SYT1: variants seen among roughly 807,000 people sequenced by gnomAD.
SYT1 encodes synaptotagmin-1.
SYT1 carries 8 observed loss-of-function variants against 44.8 expected under a neutral mutation model. That is an observed-to-expected ratio of 0.18 (90% CI 0.10 to 0.32). The LOEUF (loss-of-function observed/expected upper bound fraction) is 0.32, where lower values mean the gene tolerates loss of function less well. Ranked by LOEUF, SYT1 falls within the 10% of genes least tolerant of loss-of-function variation. SYT1 has a pLI of 1.00. For synonymous variants in SYT1, 154 were observed against 188.8 expected, an observed-to-expected ratio of 0.82 and a Z score of 1.51; for missense variants, 286 against 509.3, an observed-to-expected ratio of 0.56 and a Z score of 4.22.
chr12:79,160,430 G>A (rs1870878209), intron 3 of SYT1, among the ~76,000 whole-genome samples: 4 of 152,214 alleles, frequency 2.6e-5, no homozygotes, highest in Admixed American at 2.6e-4. Context: ...AAAATAAAAA[G>A]TCTGGCTAAG....
chr12:79,086,411 C>A (rs1172665311), intron 3 of SYT1, among the ~76,000 whole-genome samples: 1 of 152,030 alleles, frequency 6.6e-6, no homozygotes, highest in Non-Finnish European at 1.5e-5. Flanking sequence ...AATGAAGTAC[C>A]AATCTCAGAA....
chr12:79,155,792 G>A (rs1870557663), intron 3 of SYT1, among the ~76,000 whole-genome samples: 1 of 152,158 alleles, frequency 6.6e-6, no homozygotes, highest in Non-Finnish European at 1.5e-5. Flanking sequence ...AAGGGAAAAA[G>A]CCAAAGGGAA....
At chr12:79,241,081 G>T (rs1484985852) in intron 4 of SYT1, among the ~76,000 whole-genome samples, 1 of 152,138 alleles carries the variant, frequency 6.6e-6, no homozygotes, top group Non-Finnish European at 1.5e-5. Context: ...ACTGAGGTAG[G>T]AGGATTGCTT....
Position 79,444,146 on chromosome 12 carries a change from C to T in SYT1, c.1002C>T (p.Asn334=). The T allele has an allele frequency of 3.1e-6, 5 of 1,613,648 alleles. No individual in the cohort carries two copies. Among genetic ancestry groups the T allele is most frequent in the Non-Finnish European group, 4.2e-6 (5 of 1,179,694 alleles). Residue 334 remains asparagine (N), a synonymous_variant, in exon 10 of 11, where the codon AAC becomes AAT. Coordinates refer to ENST00000261205, the MANE Select transcript of SYT1 (RefSeq NM_005639.3). ...AGAAAAAGACAACAATTAAAAAGAA[C>T]ACACTTAACCCCTACTACAATGAGT... ...LKKKKTTIKK[N]TLNPYYNESF... is the part of the protein sequence containing the mutation.
At chr12:79,002,561 C>A (rs948058671) in intron 2 of SYT1, among the ~76,000 whole-genome samples, 2 of 151,882 alleles carry the variant, frequency 1.3e-5, no homozygotes, top group African/African-American at 4.8e-5. Context: ...ACCTCAATTT[C>A]GGTATCCAGG....
At chr12:79,196,267 A>G (rs2138473892) in intron 3 of SYT1, among the ~76,000 whole-genome samples, 1 of 152,102 alleles carries the variant, frequency 6.6e-6, no homozygotes, top group South Asian at 2.1e-4. Context: ...TCCCGGGTTC[A>G]AGTCATTCTC....
intron 9 of SYT1, among the ~76,000 whole-genome samples, chr12:79,443,290 G>GTTAA (rs1870530637): frequency 6.6e-6 from 1 of 152,158 alleles, no homozygotes; most frequent in Non-Finnish European, 1.5e-5. Flanking sequence ...CAGCTTAAAT[G>GTTAA]TTAATTCCAT....
chr12:79,425,565 C>T (rs1387847985), intron 9 of SYT1, among the ~76,000 whole-genome samples: 2 of 152,120 alleles, frequency 1.3e-5, no homozygotes, highest in East Asian at 1.9e-4. Flanking sequence ...TATTAATCAC[C>T]TCACTAATAT....
intron 4 of SYT1, among the ~76,000 whole-genome samples, chr12:79,268,259 C>T (rs925546666): frequency 9.9e-5 from 15 of 152,014 alleles, no homozygotes; most frequent in East Asian, 7.7e-4. Context: ...GGCAGATTTA[C>T]GATTCTATTA....
intron 9 of SYT1, among the ~76,000 whole-genome samples, chr12:79,362,089 A>G (rs1883338325): frequency 6.6e-6 from 1 of 152,184 alleles, no homozygotes; most frequent in Admixed American, 6.5e-5. Context: ...AACAAGAGAA[A>G]TCTACAGATG....
At chr12:79,354,501 T>A (rs1883035459) in intron 9 of SYT1, among the ~76,000 whole-genome samples, 1 of 152,148 alleles carries the variant, frequency 6.6e-6, no homozygotes, top group African/African-American at 2.4e-5. Context: ...CATGGTGATT[T>A]TTTATTCTAA....
chr12:79,014,263 T>A lies in SYT1; in HGVS notation c.-83-33034T>A, dbSNP rs374010557. On this transcript the variant is annotated intron_variant, in intron 2 of 10. Transcript: ENST00000261205. ...AAGTCTCATAGTTAGTACAATTTAT[T>A]TTTTCTGAAATTTAACCTGAAACCT... Among the ~76,000 whole-genome samples, 16 of 152,280 alleles carry A rather than the reference T, an allele frequency of 1.1e-4. 1 individual carries two copies. The highest frequency in any genetic ancestry group is 5.8e-4 in the East Asian group (3 of 5,192).
At chr12:79,035,201 G>T (rs1313900729) in intron 2 of SYT1, among the ~76,000 whole-genome samples, 1 of 151,678 alleles carries the variant, frequency 6.6e-6, no homozygotes, top group Non-Finnish European at 1.5e-5. Context: ...ACACTGCTGG[G>T]TTTGAATATG....
intron 4 of SYT1, among the ~76,000 whole-genome samples, chr12:79,277,794 C>G (rs1878819001): frequency 6.6e-6 from 1 of 151,898 alleles, no homozygotes. Context: ...AAGATTCTTA[C>G]AGAGTCAAGA....
intron 3 of SYT1, among the ~76,000 whole-genome samples, chr12:79,163,867 T>G (rs2138319098): frequency 6.6e-6 from 1 of 152,236 alleles, no homozygotes; most frequent in South Asian, 2.1e-4. Context: ...GGGAGTATTT[T>G]TCAAACATTT....
intron 3 of SYT1, among the ~76,000 whole-genome samples, chr12:79,209,582 A>T (rs1290901994): frequency 6.6e-6 from 1 of 152,186 alleles, no homozygotes; most frequent in African/African-American, 2.4e-5. Flanking sequence ...ATTCCTGGGT[A>T]AGGGGGTTTA....
intron 3 of SYT1, among the ~76,000 whole-genome samples, chr12:79,194,048 G>A (rs192967824): frequency 2.5e-4 from 38 of 152,130 alleles, no homozygotes; most frequent in South Asian, 8.3e-4. Context: ...ACTGCAACTC[G>A]TATAAAATTA....
At chr12:79,331,303 T>C (rs1312431206) in intron 8 of SYT1, among the ~76,000 whole-genome samples, 1 of 152,174 alleles carries the variant, frequency 6.6e-6, no homozygotes, top group African/African-American at 2.4e-5. Flanking sequence ...TTCTTTTTTC[T>C]TAACAGCTTG....
intron 3 of SYT1, among the ~76,000 whole-genome samples, chr12:79,214,954 T>C (rs1405470746): frequency 1.5e-5 from 2 of 136,858 alleles, no homozygotes; most frequent in Non-Finnish European, 3.4e-5. Context: ...TGTGTGTGTG[T>C]GTGTGTGTGT....
Sources: allele counts gnomAD v4.1 joint callset (sites outside exome capture counted in the v4.1 genomes callset), GRCh38; gene constraint gnomAD v4.1.1; transcripts MANE v1.5; gene names NCBI Gene and HGNC (gene_info 2026-07-23, HGNC 2026-07-21).